CTDSPL: variants seen among roughly 807,000 people sequenced by gnomAD.
CTDSPL encodes the protein CTD small phosphatase-like protein.
Under a neutral mutation model 30.5 loss-of-function variants are expected in CTDSPL, and 8 were observed. The ratio of observed to expected loss-of-function variants is 0.26; its 90% CI spans 0.15 to 0.47. The LOEUF (loss-of-function observed/expected upper bound fraction) is 0.47. Ranked by LOEUF, CTDSPL falls within the 20% of genes least tolerant of loss-of-function variation. The pLI, the probability that CTDSPL is intolerant of heterozygous loss-of-function variation, is 0.99. For synonymous variants in CTDSPL, 110 were observed against 137.9 expected, an observed-to-expected ratio of 0.80 and a Z score of 1.42; for missense variants, 248 against 366.1, an observed-to-expected ratio of 0.68 and a Z score of 2.63.
intron 1 of CTDSPL, among the ~76,000 whole-genome samples, chr3:37,886,533 G>A (rs1270477819): frequency 1.3e-5 from 2 of 152,156 alleles, no homozygotes; most frequent in Non-Finnish European, 2.9e-5. Flanking sequence ...TAAAGGCTTA[G>A]GTAGGAAGCA....
chr3:37,947,392 C>G (rs752998983), intron 2 of CTDSPL, among the ~76,000 whole-genome samples, 181 bp downstream of exon 2: 22 of 152,050 alleles, frequency 1.4e-4, no homozygotes, highest in Admixed American at 3.3e-4. Flanking sequence ...AACCCCATCT[C>G]TACTAAAAAT....
intron 1 of CTDSPL, among the ~76,000 whole-genome samples, chr3:37,908,169 TGCTGTGAGCC>T (rs1698539354): frequency 6.6e-6 from 1 of 152,220 alleles, no homozygotes; most frequent in African/African-American, 2.4e-5. Flanking sequence ...AAAGAAGGGA[TGCTGTGAGCC>T]GCCCTTCAGG....
intron 7 of CTDSPL, 44 bp from the exon 8 acceptor site, chr3:37,980,698 C>T (rs765933321): frequency 1.4e-5 from 23 of 1,608,608 alleles, no homozygotes; most frequent in South Asian, 8.8e-5. Context: ...CAGCCCCCAG[C>T]GCTAGATGCA....
chr3:37,961,739 G>A (rs1224017652), intron 3 of CTDSPL, among the ~76,000 whole-genome samples: 1 of 152,176 alleles, frequency 6.6e-6, no homozygotes. Context: ...GGAGCTCTGA[G>A]GGCTTGAGGA....
chr3:37,929,944 C>T (rs945927155), intron 1 of CTDSPL, among the ~76,000 whole-genome samples: 2 of 151,930 alleles, frequency 1.3e-5, no homozygotes, highest in Non-Finnish European at 2.9e-5. Flanking sequence ...CCTGTCTCAA[C>T]TAAAAATACA....
chr3:37,952,337 A>G (rs1047549720), intron 2 of CTDSPL, among the ~76,000 whole-genome samples: 11 of 152,182 alleles, frequency 7.2e-5, no homozygotes, highest in Non-Finnish European at 1.3e-4. Context: ...AGTTGGTGGG[A>G]TTTGGATTTC....
chr3:37,945,793 A>T (rs971243418), intron 1 of CTDSPL, among the ~76,000 whole-genome samples: 2 of 152,192 alleles, frequency 1.3e-5, no homozygotes, highest in African/African-American at 4.8e-5. Context: ...GAAACCATTC[A>T]TATCTGTGGA....
chr3:37,967,838 G>C lies in CTDSPL; in HGVS notation c.382G>C (p.Ala128Pro), dbSNP rs1699316671. 1.3e-6 allele frequency: 2 copies of C among 1,598,166 alleles called. No homozygotes were observed. The highest frequency in any genetic ancestry group is 2.7e-5 in the African/African-American group (2 of 74,132). ...CTTTTTTCTCTAGCCTATTAGTAAT[G>C]CTGATTTTATTGTTCCGGTTGAAAT... ...VHSSFKPISN[A>P]DFIVPVEIDG... The change falls in exon 5 of 8, where the codon GCT (alanine) becomes CCT (proline). Residue 128 changes from alanine to proline, a missense_variant. This residue lies in a region of CTDSPL where 45 missense variants were observed against 83.1 expected (regional missense o/e 0.54). Coordinates refer to ENST00000273179, the MANE Select transcript of CTDSPL (RefSeq NM_001008392.2).
chr3:37,941,806 G>A lies in CTDSPL; in HGVS notation c.80-5251G>A, dbSNP rs560024634. On this transcript the variant is annotated intron_variant, in intron 1 of 7. Transcript: ENST00000273179. Reference sequence around the variant, plus strand: ...CATGTTGTAGCCTATTGGGGGACCCGGCAGGGGAGACTGCTGGGTCAGCTA... The same window carrying A: ...CATGTTGTAGCCTATTGGGGGACCCAGCAGGGGAGACTGCTGGGTCAGCTA... Among the ~76,000 whole-genome samples the A allele has an allele frequency of 4.7e-5, 7 of 150,488 alleles. No individual in the cohort carries two copies. The East Asian group carries it at 1.2e-3, about 25-fold the overall frequency.
In CTDSPL at chr3:37,974,279, T is replaced by A. The variant is rs145149660; in HGVS notation, c.520-1430T>A. Among the ~76,000 whole-genome samples, 194 of 152,330 alleles carry A rather than the reference T, an allele frequency of 1.3e-3. 1 individual carries two copies. The highest frequency in any genetic ancestry group is 9.5e-3 in the Admixed American group (145 of 15,302). On this transcript the variant is annotated intron_variant, in intron 6 of 7. Coordinates refer to ENST00000273179, the MANE Select transcript of CTDSPL (RefSeq NM_001008392.2). ...GTAGGAAACACAGCTGCTCCTGGACTCTGCCTCCTACAGGATGTCCTTGGA... is the reference window on the plus strand; with the variant it reads ...GTAGGAAACACAGCTGCTCCTGGACACTGCCTCCTACAGGATGTCCTTGGA...
chr3:37,946,847 C>A (rs1465354295), intron 1 of CTDSPL, among the ~76,000 whole-genome samples: 2 of 152,246 alleles, frequency 1.3e-5, no homozygotes, highest in East Asian at 3.9e-4. Context: ...GGATTGGACT[C>A]CATCAACTAG....
At chr3:37,948,003 G>C (rs898715694) in intron 2 of CTDSPL, among the ~76,000 whole-genome samples, 1 of 152,236 alleles carries the variant, frequency 6.6e-6, no homozygotes, top group South Asian at 2.1e-4. Flanking sequence ...TAAGGATGAG[G>C]CCAGGCATGG....
chr3:37,936,934 A>G (rs1211137272), intron 1 of CTDSPL, among the ~76,000 whole-genome samples: 1 of 133,454 alleles, frequency 7.5e-6, no homozygotes, highest in Non-Finnish European at 1.8e-5. Context: ...TGCTCTTGTG[A>G]TGAGAAAGAA....
intron 1 of CTDSPL, among the ~76,000 whole-genome samples, chr3:37,927,614 A>G (rs1698795023): frequency 8.5e-6 from 1 of 117,188 alleles, no homozygotes. Flanking sequence ...TTTTTGTTTA[A>G]TTGTGGTTAA....
intron 1 of CTDSPL, among the ~76,000 whole-genome samples, chr3:37,905,391 T>G (rs1255351933): frequency 6.6e-6 from 1 of 152,232 alleles, no homozygotes; most frequent in Non-Finnish European, 1.5e-5. Flanking sequence ...GATTCATTCT[T>G]TTTTTAGCCA....
In CTDSPL at chr3:37,878,137, A is replaced by T. The variant is rs1290301353; in HGVS notation, c.79+15859A>T. 2.0e-5 allele frequency among the ~76,000 whole-genome samples: 3 copies of T among 152,188 alleles called. No individual in the cohort carries two copies. The East Asian group carries it at 5.8e-4, about 29-fold the overall frequency. ...TGTTTGTTTGTTTTTTATAGTAGCC[A>T]TTCTCATGAGTGTGAGGTATTAACA... On this transcript the variant is annotated intron_variant, in intron 1 of 7. Coordinates refer to ENST00000273179, the MANE Select transcript of CTDSPL (RefSeq NM_001008392.2).
chr3:37,971,252 C>G (rs1175275852), intron 5 of CTDSPL, among the ~76,000 whole-genome samples, 155 bp from the exon 6 acceptor site: 1 of 152,218 alleles, frequency 6.6e-6, no homozygotes, highest in Non-Finnish European at 1.5e-5. Context: ...ACTCCATAGC[C>G]CCTCATACAG....
chr3:37,982,773 C>A lies in CTDSPL; in HGVS notation c.*1906C>A. The A allele has an allele frequency of 2.6e-6, 1 of 384,736 alleles. No homozygotes were observed. Among genetic ancestry groups the A allele is most frequent in the South Asian group, 1.9e-5 (1 of 53,980 alleles). 23.8% of individuals were successfully genotyped at this position (384,736 alleles called of 1,614,324 possible). A position where few individuals can be genotyped will look rare whatever the true frequency, so the allele number is the denominator to read the frequency against. Reference sequence around the variant, plus strand: ...AGATAATGACAGTTACATGGTAGAACTGCCCATGCCACAAATATTTATTTG... The same window carrying A: ...AGATAATGACAGTTACATGGTAGAAATGCCCATGCCACAAATATTTATTTG... On this transcript the variant is annotated 3_prime_UTR_variant, in exon 8 of 8. Transcript: ENST00000273179.
intron 1 of CTDSPL, among the ~76,000 whole-genome samples, chr3:37,940,362 C>T (rs1225754081): frequency 6.6e-6 from 1 of 150,424 alleles, no homozygotes; most frequent in Non-Finnish European, 1.5e-5. Flanking sequence ...CACATAAACC[C>T]AATTATATTG....
Sources: allele counts gnomAD v4.1 joint callset (sites outside exome capture counted in the v4.1 genomes callset), GRCh38; gene constraint gnomAD v4.1.1; regional missense constraint gnomAD v4.1.1; transcripts MANE v1.5; gene names NCBI Gene and HGNC (gene_info 2026-07-23, HGNC 2026-07-21).